The following JMJD6 variants were observed in gnomAD, a reference collection of about 807,000 sequenced individuals.
JMJD6 encodes the protein jumonji domain containing 6, arginine demethylase and lysine hydroxylase.
In JMJD6, 17 loss-of-function variants were observed where a neutral mutation model predicts 45.8. The observed-to-expected ratio is 0.37, with a 90% CI of 0.25 to 0.56. The LOEUF (loss-of-function observed/expected upper bound fraction) is 0.56. Among genes scored for constraint, JMJD6 ranks in the 20% least tolerant of loss-of-function variants. JMJD6 has a pLI of 0.79. For synonymous variants in JMJD6, 221 were observed against 196.3 expected, an observed-to-expected ratio of 1.13 and a Z score of -1.05; for missense variants, 470 against 517.5, an observed-to-expected ratio of 0.91 and a Z score of 0.89.
At chr17:76,725,279 A>G (rs948327813) in intron 2 of JMJD6, among the ~76,000 whole-genome samples, 188 bp downstream of exon 2, 1 of 151,994 alleles carries the variant, frequency 6.6e-6, no homozygotes, top group African/African-American at 2.4e-5. Flanking sequence ...GTGGTGGCGC[A>G]TGCCTGTAAT....
At chr17:76,721,162 C>A in intron 4 of JMJD6, 1 of 232,230 alleles carries the variant, frequency 4.3e-6, no homozygotes, top group Non-Finnish European at 9.6e-6. Context: ...GGTAAGTGGG[C>A]CTCAGATGCC....
intron 3 of JMJD6, 101 bp downstream of exon 3, chr17:76,723,671 G>C (rs2076857544): frequency 9.1e-7 from 1 of 1,100,076 alleles, no homozygotes. Flanking sequence ...TCGATCTCCT[G>C]ACCTCGTGAT....
chr17:76,724,363 C>T (rs1400106858), intron 2 of JMJD6, among the ~76,000 whole-genome samples: 2 of 151,726 alleles, frequency 1.3e-5, no homozygotes, highest in Non-Finnish European at 2.9e-5. Flanking sequence ...CTCAAGTGAT[C>T]ACCTGCCTCG....
chr17:76,719,271 G>A (rs1732383111), intron 5 of JMJD6, among the ~76,000 whole-genome samples: 1 of 146,160 alleles, frequency 6.8e-6, no homozygotes, highest in African/African-American at 2.6e-5. Flanking sequence ...GACTCAATCA[G>A]TAGACTGTGT....
chr17:76,721,699 G>T, intron 4 of JMJD6, 99 bp downstream of exon 4: 1 of 1,350,268 alleles, frequency 7.4e-7, no homozygotes, highest in Non-Finnish European at 1.0e-6. Flanking sequence ...GCCCAGGCCT[G>T]TGTACGATCA....
chr17:76,723,908 G>C lies in JMJD6; in HGVS notation c.669C>G (p.Asp223Glu). 1.2e-6 allele frequency: 2 copies of C among 1,614,000 alleles called. No homozygotes were observed. The highest frequency in any genetic ancestry group is 1.7e-6 in the Non-Finnish European group (2 of 1,179,998). ...CTTCGTCTTGCTGGTTCCCTCCTTC[G>C]TCTCGGGTCACTTTGATGAGTTCCC... ...TPRELIKVTR[D>E]EGGNQQDEAI... The change falls in exon 3 of 6, where the codon GAC (aspartate) becomes GAG (glutamate). Residue 223 changes from aspartate (D) to glutamate (E), a missense_variant. By Grantham distance (45) the Asp-to-Glu change is conservative. This residue lies in a region of JMJD6 where 346 missense variants were observed against 339.5 expected (regional missense o/e 1.02). Transcript: ENST00000397625.
chr17:76,725,996 C>T, intron 1 of JMJD6, 141 bp from the exon 2 acceptor site: 1 of 1,146,724 alleles, frequency 8.7e-7, no homozygotes, highest in Non-Finnish European at 1.2e-6. Flanking sequence ...GGGGGCAGGG[C>T]GCGTGCGTGA....
intron 4 of JMJD6, chr17:76,721,266 G>A (rs992964923): frequency 1.9e-5 from 8 of 422,014 alleles, no homozygotes; most frequent in Non-Finnish European, 3.5e-5. Context: ...CTCTTACCCC[G>A]AGAGCTGGTC....
chr17:76,718,979 G>T, intron 5 of JMJD6, 119 bp from the exon 6 acceptor site: 1 of 970,474 alleles, frequency 1.0e-6, no homozygotes, highest in Non-Finnish European at 1.5e-6. Flanking sequence ...CAAATGCAAA[G>T]CAGTCATTAT....
chr17:76,721,749 TG>T (rs1487597840), intron 4 of JMJD6, 48 bp downstream of exon 4: 1 of 1,591,906 alleles, frequency 6.3e-7, no homozygotes, highest in African/African-American at 1.3e-5. Flanking sequence ...ATTTTATCTC[TG>T]GGGTCGAAAT....
At position 76,723,970 on chromosome 17, in the gene JMJD6, G is replaced by A. The variant is rs912357528; in HGVS notation, c.607C>T (p.His203Tyr). The change falls in exon 3 of 6, where the codon CAC becomes TAC. Residue 203 changes from histidine (H) to tyrosine (Y), a missense_variant. His to Tyr is a moderately conservative substitution (Grantham distance 83). Transcript: ENST00000397625. ...TSAWNALVQG[H>Y]KRWCLFPTST... ...GTAGGAAACAGGCACCAGCGCTTGT[G>A]GCCCTGAACTAAGGCATTCCAGGCA... The A allele has an allele frequency of 1.9e-6, 3 of 1,613,962 alleles. No homozygotes were observed. Among genetic ancestry groups the A allele is most frequent in the African/African-American group, 2.7e-5 (2 of 74,876 alleles).
At chr17:76,720,274 T>TCC in intron 5 of JMJD6, 86 bp downstream of exon 5, 1 of 1,208,890 alleles carries the variant, frequency 8.3e-7, no homozygotes, top group Non-Finnish European at 1.2e-6. Flanking sequence ...TTCTCCTGGA[T>TCC]AGGAGGAGGA....
intron 3 of JMJD6, among the ~76,000 whole-genome samples, chr17:76,722,910 CACA>C (rs2076845225): frequency 8.3e-4 from 4 of 4,810 alleles, no homozygotes; most frequent in African/African-American, 2.2e-3. Flanking sequence ...CAAGCCGCTA[CACA>C]TACACAAACA....
chr17:76,718,782 C>T lies in JMJD6; in HGVS notation c.1159G>A (p.Asp387Asn), dbSNP rs2076788488. ...ACACAGTCGTCCTGGGAGGTGGTGT[C>T]CCCGTTTCCCACCATGCTGCACGTC... ...RRTCSMVGNG[D>N]TTSQDDCVSK... The change falls in exon 6 of 6, where the codon GAC (aspartate) becomes AAC (asparagine). Residue 387 changes from aspartate (D) to asparagine (N), a missense_variant. Physicochemically the swap from Asp to Asn is conservative, Grantham distance 23. Transcript: ENST00000397625. The T allele has an allele frequency of 6.2e-7, 1 of 1,614,114 alleles. No homozygotes were observed. The highest frequency in any genetic ancestry group is 8.5e-7 in the Non-Finnish European group (1 of 1,180,056).
At chr17:76,716,700 G>A (rs770686748), downstream of JMJD6, 14 of 1,613,934 alleles carry the variant, frequency 8.7e-6, no homozygotes, top group East Asian at 8.9e-5. Flanking sequence ...GGGTGAGCCC[G>A]GCCTCCACAA....
chr17:76,718,896 TG>T, intron 5 of JMJD6, 36 bp from the exon 6 acceptor site: 1 of 1,601,198 alleles, frequency 6.2e-7, no homozygotes, highest in Non-Finnish European at 8.5e-7. Context: ...GGAGTCAACC[TG>T]GATGCAACCC....
At chr17:76,721,325 C>T (rs983274304) in intron 4 of JMJD6, 14 of 452,136 alleles carry the variant, frequency 3.1e-5, no homozygotes, top group African/African-American at 2.8e-4. Flanking sequence ...CTGTGGGTGG[C>T]TTGCACTGCC....
downstream of JMJD6, among the ~76,000 whole-genome samples, chr17:76,717,717 A>C (rs1045959318): frequency 6.6e-6 from 1 of 151,900 alleles, no homozygotes; most frequent in East Asian, 1.9e-4. Flanking sequence ...CTGGCCGGGC[A>C]TGGTGGCTCA....
At chr17:76,720,757 G>A (rs1329207537) in intron 4 of JMJD6, 4 of 359,186 alleles carry the variant, frequency 1.1e-5, no homozygotes, top group South Asian at 1.2e-4. Flanking sequence ...TGAGCCAGCC[G>A]TGCCACCAAT....
Sources: allele counts gnomAD v4.1 joint callset (sites outside exome capture counted in the v4.1 genomes callset), GRCh38; gene constraint gnomAD v4.1.1; regional missense constraint gnomAD v4.1.1; transcripts MANE v1.5; gene names NCBI Gene and HGNC (gene_info 2026-07-23, HGNC 2026-07-21).